Variants in GAB2 observed in about 807,000 individuals in gnomAD.
GAB2 encodes the protein GRB2-associated-binding protein 2.
In GAB2, 26 loss-of-function variants were observed where a neutral mutation model predicts 65.5. That is an observed-to-expected ratio of 0.40 (90% CI 0.29 to 0.55). GAB2 has a LOEUF of 0.55. GAB2 is among the 20% of genes least tolerant of loss of function. The pLI is 0.53. For missense variants in GAB2, 884 were observed against 875.8 expected (o/e 1.01, Z -0.12); for synonymous variants, 321 against 329.6 (o/e 0.97, Z 0.28).
chr11:78,354,150 T>C (rs951805262), intron 1 of GAB2, among the ~76,000 whole-genome samples: 1 of 152,202 alleles, frequency 6.6e-6, no homozygotes, highest in Admixed American at 6.5e-5. Flanking sequence ...GAAAGAATGA[T>C]GGCTACCCTC....
At chr11:78,397,328 C>T (rs968089382) in intron 1 of GAB2, among the ~76,000 whole-genome samples, 2 of 152,182 alleles carry the variant, frequency 1.3e-5, no homozygotes, top group Admixed American at 6.5e-5. Flanking sequence ...GAACCAATAA[C>T]TTACTGTGCT....
At chr11:78,410,459 G>T (rs564193003) in intron 1 of GAB2, among the ~76,000 whole-genome samples, 3 of 152,346 alleles carry the variant, frequency 2.0e-5, no homozygotes, top group South Asian at 2.1e-4. Context: ...AGCTGAGATC[G>T]TGCCATTGCA....
chr11:78,246,752 G>T (rs1445697341), intron 3 of GAB2, among the ~76,000 whole-genome samples: 3 of 152,156 alleles, frequency 2.0e-5, no homozygotes, highest in Non-Finnish European at 4.4e-5. Flanking sequence ...GCCCACCTCA[G>T]CCTCCCAAAG....
chr11:78,243,511 G>A (rs1462624693), intron 3 of GAB2, among the ~76,000 whole-genome samples: 1 of 151,750 alleles, frequency 6.6e-6, no homozygotes, highest in Non-Finnish European at 1.5e-5. Flanking sequence ...AGGAGACATT[G>A]TAACTGACAG....
chr11:78,330,059 T>C (rs1283543746), intron 1 of GAB2, among the ~76,000 whole-genome samples: 1 of 152,212 alleles, frequency 6.6e-6, no homozygotes, highest in East Asian at 1.9e-4. Flanking sequence ...GCTGAGGTAT[T>C]ATCCAGCCTC....
intron 1 of GAB2, among the ~76,000 whole-genome samples, chr11:78,411,023 C>T (rs907940490): frequency 3.3e-5 from 5 of 151,828 alleles, no homozygotes; most frequent in Non-Finnish European, 7.4e-5. Context: ...CACAGCAGTA[C>T]GCAGCTGTCG....
Position 78,405,046 on chromosome 11 carries a change from A to T in GAB2, c.75+12600T>A, listed in dbSNP as rs186318196. 2.0e-3 allele frequency among the ~76,000 whole-genome samples: 304 copies of T among 152,274 alleles called. 1 individual carries two copies. The highest frequency in any genetic ancestry group is 6.7e-3 in the African/African-American group (279 of 41,542). ...TCCGTAAAAAGTAAAAATTAAAAAAATAAAGGCAGAATCCTAATCCACAGA... is the reference window on the plus strand; with the variant it reads ...TCCGTAAAAAGTAAAAATTAAAAAATTAAAGGCAGAATCCTAATCCACAGA... On this transcript the variant is annotated intron_variant, in intron 1 of 9. Coordinates refer to ENST00000361507, the MANE Select transcript of GAB2 (RefSeq NM_080491.3).
chr11:78,365,154 A>T lies in GAB2; in HGVS notation c.75+52492T>A, dbSNP rs376585860. 5.9e-5 allele frequency among the ~76,000 whole-genome samples: 9 copies of T among 152,196 alleles called. No homozygotes were observed. The South Asian group carries it at 1.9e-3, about 32-fold the overall frequency. On this transcript the variant is annotated intron_variant, in intron 1 of 9. Coordinates refer to ENST00000361507, the MANE Select transcript of GAB2 (RefSeq NM_080491.3). ...ATGAAACAAATATTTGTGTAGGAAA[A>T]GGAGTCTGGTAACGGACTAGACACA...
At position 78,417,800 on chromosome 11, in the gene GAB2, G is replaced by T; in HGVS notation, c.-80C>A. 1 of 754,980 alleles carries T rather than the reference G, an allele frequency of 1.3e-6. No homozygotes were observed. The highest frequency in any genetic ancestry group is 1.6e-6 in the Non-Finnish European group (1 of 613,096). 46.8% of individuals were successfully genotyped at this position (754,980 alleles called of 1,614,324 possible). A position where few individuals can be genotyped will look rare whatever the true frequency, so the allele number is the denominator to read the frequency against. On this transcript the variant is annotated 5_prime_UTR_variant, in exon 1 of 10. Coordinates refer to ENST00000361507, the MANE Select transcript of GAB2 (RefSeq NM_080491.3). ...CAGCTGGGGCAGCGGCCGGCGGTGCGCAGCTCGCGGGAGGCCAGGGGCGGG... is the reference window on the plus strand; with the variant it reads ...CAGCTGGGGCAGCGGCCGGCGGTGCTCAGCTCGCGGGAGGCCAGGGGCGGG...
chr11:78,295,713 C>G (rs1019650290), intron 1 of GAB2, among the ~76,000 whole-genome samples: 1 of 152,064 alleles, frequency 6.6e-6, no homozygotes, highest in Non-Finnish European at 1.5e-5. Context: ...CTGCTTGCCT[C>G]GAGGAGTCAC....
At chr11:78,380,905 AC>A (rs1336285810) in intron 1 of GAB2, among the ~76,000 whole-genome samples, 1 of 152,042 alleles carries the variant, frequency 6.6e-6, no homozygotes, top group Non-Finnish European at 1.5e-5. Flanking sequence ...AATCACTGTA[AC>A]GTATGCACTG....
intron 2 of GAB2, among the ~76,000 whole-genome samples, chr11:78,272,045 A>G (rs939564714): frequency 6.6e-6 from 1 of 152,234 alleles, no homozygotes; most frequent in Non-Finnish European, 1.5e-5. Context: ...TCCTTCTGCC[A>G]TCATTGTGAG....
chr11:78,341,672 G>T, intron 1 of GAB2: 1 of 654,928 alleles, frequency 1.5e-6, no homozygotes, highest in Non-Finnish European at 1.9e-6. Flanking sequence ...CACTCTTGGG[G>T]TCTTGTTTAA....
intron 3 of GAB2, among the ~76,000 whole-genome samples, chr11:78,240,138 C>T (rs776928635): frequency 3.9e-5 from 6 of 152,114 alleles, no homozygotes; most frequent in Admixed American, 2.6e-4. Flanking sequence ...AACAGTCATG[C>T]CTCCACAGTG....
intron 1 of GAB2, among the ~76,000 whole-genome samples, chr11:78,371,962 T>G (rs1482152138): frequency 1.3e-5 from 2 of 152,102 alleles, no homozygotes; most frequent in Non-Finnish European, 2.9e-5. Flanking sequence ...AAAATCAAAA[T>G]CATACTATAT....
chr11:78,282,329 C>T (rs1319723027), intron 1 of GAB2, among the ~76,000 whole-genome samples: 3 of 146,394 alleles, frequency 2.0e-5, no homozygotes, highest in Non-Finnish European at 3.0e-5. Flanking sequence ...TTTTTTGAGA[C>T]GGAGTTTCGC....
chr11:78,305,421 GA>G (rs1158517283), intron 1 of GAB2, among the ~76,000 whole-genome samples: 1 of 152,218 alleles, frequency 6.6e-6, no homozygotes, highest in Admixed American at 6.5e-5. Context: ...CTTTAGACAG[GA>G]ATGAATCCTG....
At chr11:78,403,863 T>C (rs962478801) in intron 1 of GAB2, among the ~76,000 whole-genome samples, 3 of 152,126 alleles carry the variant, frequency 2.0e-5, no homozygotes, top group African/African-American at 7.2e-5. Context: ...ATAACTAGAA[T>C]ATATAAGGAG....
At chr11:78,322,316 A>AG (rs1385864116) in intron 1 of GAB2, among the ~76,000 whole-genome samples, 1 of 148,496 alleles carries the variant, frequency 6.7e-6, no homozygotes, top group African/African-American at 2.5e-5. Flanking sequence ...AAAAAAAAAA[A>AG]AAAAAAAAAA....
Sources: allele counts gnomAD v4.1 joint callset (sites outside exome capture counted in the v4.1 genomes callset), GRCh38; gene constraint gnomAD v4.1.1; transcripts MANE v1.5; gene names NCBI Gene and HGNC (gene_info 2026-07-23, HGNC 2026-07-21).